SPCS2: variants seen among roughly 807,000 people sequenced by gnomAD.
SPCS2 encodes the protein signal peptidase complex subunit 2, also known as SPase 25 kDa subunit.
A neutral mutation model predicts 22.3 loss-of-function variants in SPCS2; 3 were observed. The ratio of observed to expected loss-of-function variants is 0.13; its 90% CI spans 0.06 to 0.35. The LOEUF is 0.35. Ranked by LOEUF, SPCS2 falls within the 10% of genes least tolerant of loss-of-function variation. The pLI is 1.00. For missense variants in SPCS2, 169 were observed against 280.9 expected (o/e 0.60, Z 2.85); for synonymous variants, 67 against 97.2 (o/e 0.69, Z 1.83).
intron 1 of SPCS2, among the ~76,000 whole-genome samples, chr11:74,959,951 T>C (rs1948502608): frequency 6.6e-6 from 1 of 152,232 alleles, no homozygotes; most frequent in Non-Finnish European, 1.5e-5. Context: ...GAAACGTAAC[T>C]GAAATGATTC....
At chr11:74,963,465 A>G (rs1177721732) in intron 1 of SPCS2, 1 of 311,838 alleles carries the variant, frequency 3.2e-6, no homozygotes, top group Admixed American at 4.4e-5. Flanking sequence ...TAAAAAAAAA[A>G]CAAGGTTGAT....
In SPCS2 at chr11:74,978,382, C is replaced by T. The variant is rs2140223374; in HGVS notation, c.*1339C>T. ...AAGTTAAAGCCTTGGATTCTGTACT[C>T]TTCATTCCTGTAAACCTTGGGTAAG... On this transcript the variant is annotated 3_prime_UTR_variant, in exon 5 of 5. Coordinates refer to ENST00000263672, the MANE Select transcript of SPCS2 (RefSeq NM_014752.3). The T allele has an allele frequency of 6.6e-6, 1 of 152,306 alleles. No individual in the cohort carries two copies. The highest frequency in any genetic ancestry group is 2.1e-4 in the South Asian group (1 of 4,824). The allele number at this position is 152,306 out of a possible 1,614,324, so 9.4% of individuals were successfully genotyped here. A position where few individuals can be genotyped will look rare whatever the true frequency, so the allele number is the denominator to read the frequency against.
chr11:74,965,944 G>A, intron 3 of SPCS2, 21 bp downstream of exon 3: 2 of 1,576,736 alleles, frequency 1.3e-6, no homozygotes, highest in East Asian at 4.5e-5. Flanking sequence ...TTTATGCTCA[G>A]GTTGTTTTCT....
intron 1 of SPCS2, among the ~76,000 whole-genome samples, chr11:74,953,681 T>C (rs367579032): frequency 1.4e-3 from 207 of 152,366 alleles, no homozygotes; most frequent in African/African-American, 4.9e-3. Context: ...GCAATTCTTG[T>C]TTCCTGATCT....
chr11:74,970,903 A>G (rs1948580267), intron 4 of SPCS2, among the ~76,000 whole-genome samples: 1 of 152,210 alleles, frequency 6.6e-6, no homozygotes, highest in African/African-American at 2.4e-5. Context: ...TAAAGTGTAC[A>G]GTTCAAAAGT....
intron 1 of SPCS2, among the ~76,000 whole-genome samples, chr11:74,953,599 T>C (rs1948459299): frequency 6.6e-6 from 1 of 152,250 alleles, no homozygotes; most frequent in Non-Finnish European, 1.5e-5. Flanking sequence ...AATAAAGAGA[T>C]GCAAATATGC....
At chr11:74,967,880 G>C (rs1454812644) in intron 3 of SPCS2, among the ~76,000 whole-genome samples, 1 of 152,156 alleles carries the variant, frequency 6.6e-6, no homozygotes, top group South Asian at 2.1e-4. Context: ...GCTGCAGTGA[G>C]CTGAGATCAT....
chr11:74,955,856 A>AAT (rs1948475396), intron 1 of SPCS2, among the ~76,000 whole-genome samples: 1 of 78,254 alleles, frequency 1.3e-5, no homozygotes, highest in South Asian at 3.5e-4. Flanking sequence ...ATTAAAATAT[A>AAT]TATATATATA....
intron 1 of SPCS2, among the ~76,000 whole-genome samples, chr11:74,949,985 C>T (rs1211760499): frequency 1.3e-5 from 2 of 152,114 alleles, no homozygotes; most frequent in South Asian, 2.1e-4. Flanking sequence ...CCTCTCTTCC[C>T]TCCACCTCCC....
At chr11:74,975,459 C>T (rs1948609444) in intron 4 of SPCS2, among the ~76,000 whole-genome samples, 1 of 152,142 alleles carries the variant, frequency 6.6e-6, no homozygotes, top group Non-Finnish European at 1.5e-5. Flanking sequence ...TCTAAAACTG[C>T]CTGTCACATA....
chr11:74,954,640 T>G (rs1176744346), intron 1 of SPCS2, among the ~76,000 whole-genome samples: 1 of 152,234 alleles, frequency 6.6e-6, no homozygotes, highest in African/African-American at 2.4e-5. Context: ...ATTGTGTGTG[T>G]GTGTTTAATG....
intron 1 of SPCS2, among the ~76,000 whole-genome samples, chr11:74,952,736 A>G (rs143183314): frequency 6.6e-6 from 1 of 152,356 alleles, no homozygotes; most frequent in African/African-American, 2.4e-5. Flanking sequence ...AATAGATAAA[A>G]GGTCTCACAA....
At chr11:74,969,497 C>A in intron 3 of SPCS2, 68 bp from the exon 4 acceptor site, 1 of 1,466,872 alleles carries the variant, frequency 6.8e-7, no homozygotes, top group Non-Finnish European at 9.4e-7. Flanking sequence ...GTTTTTATAT[C>A]TGTTGCTTGT....
chr11:74,956,570 C>G (rs1375854845), intron 1 of SPCS2, among the ~76,000 whole-genome samples: 1 of 152,190 alleles, frequency 6.6e-6, no homozygotes, highest in Non-Finnish European at 1.5e-5. Flanking sequence ...TCTGACCACT[C>G]CTACCTAGAG....
rs541382918 is a variant in SPCS2 at position 74,955,553 on chromosome 11, A to G, written c.114+6154A>G. Among the ~76,000 whole-genome samples the G allele has an allele frequency of 4.7e-4, 72 of 152,106 alleles. 2 individuals are homozygous for G. The South Asian group carries it at 7.7e-3, about 16-fold the overall frequency. ...CCCGGGGATAGGGGACAGGAATAAGATGTGACTGCTAATGGGTATGGAGTT... is the reference window on the plus strand; with the variant it reads ...CCCGGGGATAGGGGACAGGAATAAGGTGTGACTGCTAATGGGTATGGAGTT... On this transcript the variant is annotated intron_variant, in intron 1 of 4. Transcript: ENST00000263672.
intron 1 of SPCS2, chr11:74,963,575 A>G (rs145372328): frequency 0.018 from 7,440 of 417,126 alleles, 215 homozygotes; most frequent in African/African-American, 0.082. Flanking sequence ...TTGTTTATTT[A>G]TTTATTTATT....
intron 1 of SPCS2, among the ~76,000 whole-genome samples, chr11:74,958,236 A>C (rs1948490784): frequency 6.6e-6 from 1 of 152,240 alleles, no homozygotes; most frequent in East Asian, 1.9e-4. Context: ...TTTAATTAAC[A>C]CATGGTAATT....
At chr11:74,953,136 T>C (rs2140213117) in intron 1 of SPCS2, among the ~76,000 whole-genome samples, 1 of 152,134 alleles carries the variant, frequency 6.6e-6, no homozygotes, top group Non-Finnish European at 1.5e-5. Flanking sequence ...GGGAAAAAAA[T>C]GTTATTCTCA....
At chr11:74,973,545 C>CATTG (rs1358074692) in intron 4 of SPCS2, among the ~76,000 whole-genome samples, 1 of 152,150 alleles carries the variant, frequency 6.6e-6, no homozygotes, top group East Asian at 1.9e-4. Flanking sequence ...CCACCCTGAC[C>CATTG]ATTGCTTCCT....
Sources: gnomAD v4.1 joint callset for allele counts (sites outside exome capture counted in the v4.1 genomes callset) on GRCh38, gnomAD v4.1.1 for gene constraint, MANE v1.5 for transcripts, NCBI Gene and HGNC (gene_info 2026-07-23, HGNC 2026-07-21) for gene names.